REEP1: variants seen among roughly 807,000 people sequenced by gnomAD.
The protein encoded by REEP1 is receptor accessory protein 1, also known as receptor expression-enhancing protein 1.
REEP1 carries 22 observed loss-of-function variants against 40.3 expected under a neutral mutation model. That is an observed-to-expected ratio of 0.55 (90% confidence interval 0.39 to 0.78). The LOEUF (loss-of-function observed/expected upper bound fraction) is 0.78. Among genes scored for constraint, REEP1 ranks in the 30% least tolerant of loss-of-function variants. The pLI is 0.00. For missense variants in REEP1, 280 were observed against 361.1 expected (o/e 0.78, Z 1.82); for synonymous variants, 116 against 139.2 (o/e 0.83, Z 1.17).
intron 1 of REEP1, among the ~76,000 whole-genome samples, chr2:86,327,480 G>A (rs1332728172): frequency 6.6e-6 from 1 of 152,060 alleles, no homozygotes; most frequent in Non-Finnish European, 1.5e-5. Flanking sequence ...ACCTTGGTGA[G>A]TGTTGTTGAC....
At chr2:86,318,207 T>C (rs971140441) in intron 1 of REEP1, among the ~76,000 whole-genome samples, 2 of 152,020 alleles carry the variant, frequency 1.3e-5, no homozygotes, top group Admixed American at 6.6e-5. Context: ...AAATGACCAA[T>C]GCATAATGTT....
chr2:86,337,412 G>T lies in REEP1; in HGVS notation c.32+67C>A. 9.0e-7 allele frequency: 1 copy of T among 1,105,436 alleles called. No homozygotes were observed. 68.5% of individuals were successfully genotyped at this position (1,105,436 alleles called of 1,614,324 possible). ...CACTGGGACCGGGCGCTGTAGGGGC[G>T]CGCGCAGCCCGGGGCCGGGGGCGGG... On this transcript the variant is annotated intron_variant, in intron 1 of 8. Coordinates refer to ENST00000538924, the MANE Select transcript of REEP1 (RefSeq NM_001371279.1). This position sits in a 1 kb window ranked among gnomAD's most constrained non-coding sequence, Gnocchi z 5.8.
In REEP1 at chr2:86,232,739, C is replaced by A. The variant is rs1675099851; in HGVS notation, c.481G>T (p.Gly161Ter). 1 of 1,607,998 alleles carries A rather than the reference C, an allele frequency of 6.2e-7. No individual in the cohort carries two copies. ...FSMQDLTTIR[G>*]DGAPAPSGPP... ...CCCGAGGGAGCAGGGGCGCCGTCTCCCCTGATGGTGGTGAGGTCCTGCATG... is the reference window on the plus strand; with the variant it reads ...CCCGAGGGAGCAGGGGCGCCGTCTCACCTGATGGTGGTGAGGTCCTGCATG... Residue 161 changes from glycine (G) to a stop codon, truncating the protein, a stop_gained, in exon 6 of 9, where the codon GGA becomes TGA. Coordinates refer to ENST00000538924, the MANE Select transcript of REEP1 (RefSeq NM_001371279.1). LOFTEE classifies it high-confidence loss of function.
intron 3 of REEP1, among the ~76,000 whole-genome samples, chr2:86,257,993 C>T (rs1002426403): frequency 9.9e-5 from 15 of 152,162 alleles, no homozygotes; most frequent in African/African-American, 1.4e-4. Context: ...TGGATATTTA[C>T]GATGGTTATG....
At chr2:86,292,462 G>T (rs1678765383) in intron 1 of REEP1, among the ~76,000 whole-genome samples, 1 of 152,192 alleles carries the variant, frequency 6.6e-6, no homozygotes, top group Non-Finnish European at 1.5e-5. Context: ...ACTGGTTATT[G>T]TCATCACAAT....
chr2:86,337,337 G>A lies in REEP1; in HGVS notation c.32+142C>T. 2.2e-6 allele frequency: 1 copy of A among 464,770 alleles called. No homozygotes were observed. 28.8% of individuals were successfully genotyped at this position (464,770 alleles called of 1,614,324 possible). ...CCGTCCGCCCGCAGGCGTCCTCGGC[G>A]GCTACTGTACCTGCTAAATTTAGCT... On this transcript the variant is annotated intron_variant, in intron 1 of 8. Transcript: ENST00000538924. This position sits in a 1 kb window ranked among gnomAD's most constrained non-coding sequence, Gnocchi z 5.8.
In REEP1 at chr2:86,241,223, G is replaced by C. The variant is rs1340891702; in HGVS notation, c.418-8421C>G. ...TCCTTCAGAGGCAAAGGCCCTGCTG[G>C]AAAGGGACAATGAGAAGGCAGGAAG... On this transcript the variant is annotated intron_variant, in intron 5 of 8. Coordinates refer to ENST00000538924, the MANE Select transcript of REEP1 (RefSeq NM_001371279.1). Among the ~76,000 whole-genome samples the C allele has an allele frequency of 2.0e-5, 3 of 152,242 alleles. No individual in the cohort carries two copies. The South Asian group carries it at 6.2e-4, about 31-fold the overall frequency.
At chr2:86,224,471 G>A (rs1454633364) in intron 7 of REEP1, among the ~76,000 whole-genome samples, 1 of 152,206 alleles carries the variant, frequency 6.6e-6, no homozygotes, top group African/African-American at 2.4e-5. Flanking sequence ...ACTGAGGCCT[G>A]CAGAGTGCAG....
At chr2:86,313,304 T>TC (rs1472040220) in intron 1 of REEP1, among the ~76,000 whole-genome samples, 2 of 151,086 alleles carry the variant, frequency 1.3e-5, no homozygotes, top group East Asian at 1.9e-4. Flanking sequence ...TCTTTTCTTT[T>TC]TTTTTTTTTT....
At chr2:86,301,686 T>C (rs943287479) in intron 1 of REEP1, among the ~76,000 whole-genome samples, 1 of 152,230 alleles carries the variant, frequency 6.6e-6, no homozygotes, top group Non-Finnish European at 1.5e-5. Context: ...CCACATATGA[T>C]CAGTTGGAAA....
intron 5 of REEP1, among the ~76,000 whole-genome samples, chr2:86,250,813 C>T (rs376907109): frequency 7.2e-5 from 11 of 152,284 alleles, no homozygotes; most frequent in African/African-American, 2.6e-4. Context: ...GCCCAGTGTG[C>T]TGAGTCTCTT....
chr2:86,283,891 T>G (rs1222211787), intron 1 of REEP1, among the ~76,000 whole-genome samples: 2 of 152,066 alleles, frequency 1.3e-5, no homozygotes, highest in Non-Finnish European at 2.9e-5. Flanking sequence ...CCTGGCTTCT[T>G]GCGATCACTG....
At chr2:86,317,880 A>G (rs2104505923) in intron 1 of REEP1, among the ~76,000 whole-genome samples, 1 of 152,292 alleles carries the variant, frequency 6.6e-6, no homozygotes, top group South Asian at 2.1e-4. Context: ...GCTTTTTTTC[A>G]TGGAACACCA....
chr2:86,306,966 A>C lies in REEP1; in HGVS notation c.33-24724T>G, dbSNP rs182717335. Among the ~76,000 whole-genome samples the C allele has an allele frequency of 5.1e-3, 772 of 152,062 alleles. 3 individuals carry two copies. Among genetic ancestry groups the C allele is most frequent in the Non-Finnish European group, 9.1e-3 (618 of 67,958 alleles). On this transcript the variant is annotated intron_variant, in intron 1 of 8. Coordinates refer to ENST00000538924, the MANE Select transcript of REEP1 (RefSeq NM_001371279.1). ...ATGCCTGGAATCCCAGCACTTTGGG[A>C]GGCTGAGGTGGGCGGATCACCTGAG...
intron 5 of REEP1, among the ~76,000 whole-genome samples, chr2:86,233,710 G>A (rs1675148911): frequency 1.3e-5 from 2 of 152,080 alleles, no homozygotes; most frequent in Admixed American, 6.6e-5. Flanking sequence ...ATTGAGAATC[G>A]GCTAGGATTT....
intron 5 of REEP1, among the ~76,000 whole-genome samples, chr2:86,248,947 G>A (rs1676113055): frequency 6.6e-6 from 1 of 152,182 alleles, no homozygotes; most frequent in South Asian, 2.1e-4. Flanking sequence ...GCTCAGCCAG[G>A]TGCGAGGCAC....
chr2:86,244,561 G>A (rs1368643230), intron 5 of REEP1, among the ~76,000 whole-genome samples: 1 of 152,144 alleles, frequency 6.6e-6, no homozygotes. Flanking sequence ...GTGTGAAAGC[G>A]GGCCAGACCA....
intron 1 of REEP1, among the ~76,000 whole-genome samples, chr2:86,335,572 C>T (rs895071233): frequency 3.3e-5 from 5 of 152,108 alleles, no homozygotes; most frequent in Non-Finnish European, 5.9e-5. Flanking sequence ...GGGGAGGAGC[C>T]GGGCGTGGTA....
intron 1 of REEP1, among the ~76,000 whole-genome samples, chr2:86,335,194 A>G (rs535383699): frequency 6.6e-6 from 1 of 152,326 alleles, no homozygotes; most frequent in Admixed American, 6.5e-5. Flanking sequence ...TGTGGTGGAA[A>G]TGTGGATGAT....
Sources: allele counts gnomAD v4.1 joint callset (sites outside exome capture counted in the v4.1 genomes callset), GRCh38; gene constraint gnomAD v4.1.1; non-coding constraint Gnocchi (gnomAD v3.1); transcripts MANE v1.5; gene names NCBI Gene and HGNC (gene_info 2026-07-23, HGNC 2026-07-21).